The following CHRM3 variants were observed in gnomAD, a reference collection of about 807,000 sequenced individuals.
CHRM3 encodes the protein muscarinic acetylcholine receptor M3.
A neutral mutation model predicts 41.8 loss-of-function variants in CHRM3; 11 were observed. The ratio of observed to expected loss-of-function variants is 0.26; its 90% confidence interval spans 0.17 to 0.44. CHRM3 has a LOEUF of 0.44. Ranked by LOEUF, CHRM3 falls within the 20% of genes least tolerant of loss-of-function variation. CHRM3 has a pLI of 1.00. For missense variants in CHRM3, 571 were observed against 745.4 expected, an observed-to-expected ratio of 0.77 and a Z score of 2.72; for synonymous variants, 297 against 301.4, an observed-to-expected ratio of 0.99 and a Z score of 0.15.
At chr1:239,752,837 A>G (rs1219788409) in intron 5 of CHRM3, among the ~76,000 whole-genome samples, 1 of 152,200 alleles carries the variant, frequency 6.6e-6, no homozygotes, top group African/African-American at 2.4e-5. Flanking sequence ...TTAAACTATA[A>G]TAGGGTTCAA....
intron 1 of CHRM3, among the ~76,000 whole-genome samples, chr1:239,399,481 T>G (rs986426659): frequency 2.0e-5 from 3 of 152,114 alleles, no homozygotes; most frequent in African/African-American, 7.2e-5. Context: ...TTTGTACCTT[T>G]TGATCAACAT....
intron 1 of CHRM3, among the ~76,000 whole-genome samples, chr1:239,463,596 AT>A (rs1368653223): frequency 6.6e-6 from 1 of 152,206 alleles, no homozygotes; most frequent in Non-Finnish European, 1.5e-5. Context: ...AATTGTGAAA[AT>A]ACAGGACTAT....
intron 5 of CHRM3, among the ~76,000 whole-genome samples, chr1:239,688,557 CATATATT>C (rs1475612701): frequency 7.5e-6 from 1 of 133,504 alleles, no homozygotes; most frequent in African/African-American, 2.8e-5. Context: ...ATTTATATAA[CATATATT>C]ATATGATATT....
chr1:239,860,565 G>A (rs34505671), intron 6 of CHRM3, among the ~76,000 whole-genome samples: 53,251 of 152,036 alleles, frequency 0.35, 9,352 homozygotes, highest in Admixed American at 0.43. Context: ...TCTTAGGGGT[G>A]TGACCCAAGT....
At chr1:239,525,069 A>C (rs1237998579) in intron 2 of CHRM3, among the ~76,000 whole-genome samples, 1 of 152,184 alleles carries the variant, frequency 6.6e-6, no homozygotes, top group Non-Finnish European at 1.5e-5. Flanking sequence ...TTCATGTATT[A>C]AGATGATCCA....
intron 2 of CHRM3, among the ~76,000 whole-genome samples, chr1:239,541,540 G>T (rs1658774446): frequency 6.6e-6 from 1 of 152,036 alleles, no homozygotes; most frequent in South Asian, 2.1e-4. Flanking sequence ...GAGATAGGGT[G>T]TCACTCCGTC....
intron 6 of CHRM3, among the ~76,000 whole-genome samples, chr1:239,830,475 G>A (rs568970235): frequency 1.5e-4 from 23 of 152,216 alleles, no homozygotes; most frequent in Non-Finnish European, 2.9e-4. Flanking sequence ...AGGCCGAGGC[G>A]GGCGGATCAC....
chr1:239,908,742 C>G lies in CHRM3; in HGVS notation c.1291C>G (p.Leu431Val), dbSNP rs779951293. ...PKSFSKLPIQ[L>V]ESAVDTAKTS... ...AAGCTTCTCCAAGCTTCCCATCCAG[C>G]TAGAGTCAGCCGTGGACACAGCTAA... The change falls in exon 7 of 7, where the codon CTA (leucine) becomes GTA (valine). Residue 431 changes from leucine (L) to valine (V), a missense_variant. Around this residue, in one of 5 missense-constraint regions of CHRM3, gnomAD observed 239 missense variants for 239.6 expected, o/e 1.00. Coordinates refer to ENST00000676153, the MANE Select transcript of CHRM3 (RefSeq NM_001375978.1). This position sits in a 1 kb window ranked among gnomAD's most constrained non-coding sequence, Gnocchi z 7.2. 2 of 1,613,694 alleles carry G rather than the reference C, an allele frequency of 1.2e-6. No individual in the cohort carries two copies. The highest frequency in any genetic ancestry group is 2.7e-5 in the African/African-American group (2 of 74,882).
chr1:239,640,732 A>AT (rs1558409057), intron 4 of CHRM3, among the ~76,000 whole-genome samples: 1 of 150,436 alleles, frequency 6.6e-6, no homozygotes, highest in African/African-American at 2.5e-5. Flanking sequence ...GGATTCATTA[A>AT]TTTTTTGAAG....
intron 2 of CHRM3, among the ~76,000 whole-genome samples, chr1:239,532,097 C>G (rs778437191): frequency 1.4e-5 from 2 of 138,888 alleles, no homozygotes; most frequent in Non-Finnish European, 3.1e-5. Flanking sequence ...ACTGCAAGCT[C>G]CGCCTCCCGG....
At chr1:239,892,502 C>G (rs1256985733) in intron 6 of CHRM3, among the ~76,000 whole-genome samples, 2 of 152,188 alleles carry the variant, frequency 1.3e-5, no homozygotes, top group Non-Finnish European at 2.9e-5. Context: ...CCATCTTAAA[C>G]TTCATTGCAA....
intron 1 of CHRM3, among the ~76,000 whole-genome samples, chr1:239,464,565 T>A (rs1474785726): frequency 1.3e-5 from 2 of 152,158 alleles, no homozygotes; most frequent in Non-Finnish European, 2.9e-5. Flanking sequence ...AAGTTTGGTG[T>A]TTACTTCTAG....
intron 4 of CHRM3, among the ~76,000 whole-genome samples, chr1:239,635,534 C>T (rs1479201791): frequency 6.6e-6 from 1 of 152,178 alleles, no homozygotes; most frequent in Non-Finnish European, 1.5e-5. Flanking sequence ...GCCAAGACCT[C>T]TCCTAACCGC....
intron 6 of CHRM3, among the ~76,000 whole-genome samples, chr1:239,890,347 C>CA (rs10713647): frequency 4.8e-4 from 68 of 142,858 alleles, no homozygotes; most frequent in Admixed American, 7.0e-4. Context: ...GACTCTATCT[C>CA]AAAAAAAAAA....
chr1:239,583,929 T>G (rs1663143255), intron 3 of CHRM3, among the ~76,000 whole-genome samples: 1 of 152,056 alleles, frequency 6.6e-6, no homozygotes, highest in Non-Finnish European at 1.5e-5. Context: ...CACCACAAAC[T>G]TAAACCTCAT....
chr1:239,686,477 C>A (rs1659157736), intron 5 of CHRM3, among the ~76,000 whole-genome samples: 1 of 152,264 alleles, frequency 6.6e-6, no homozygotes, highest in East Asian at 1.9e-4. Flanking sequence ...TTCAGTGATG[C>A]CTATCCCTCC....
chr1:239,510,038 G>A (rs767456488), intron 2 of CHRM3, among the ~76,000 whole-genome samples: 11 of 152,164 alleles, frequency 7.2e-5, no homozygotes, highest in Admixed American at 1.3e-4. Context: ...ACAGTGGGCC[G>A]AGATCATGCC....
chr1:239,574,037 C>G (rs992602373), intron 3 of CHRM3, among the ~76,000 whole-genome samples: 1 of 152,108 alleles, frequency 6.6e-6, no homozygotes, highest in Non-Finnish European at 1.5e-5. Flanking sequence ...CTGAAATCAT[C>G]TCATCTAAAA....
At chr1:239,782,985 G>T (rs1668615635) in intron 5 of CHRM3, among the ~76,000 whole-genome samples, 1 of 151,668 alleles carries the variant, frequency 6.6e-6, no homozygotes, top group African/African-American at 2.4e-5. Flanking sequence ...TTGATTTCTA[G>T]TTTTTTTAAT....
Sources: gnomAD v4.1 joint callset for allele counts (sites outside exome capture counted in the v4.1 genomes callset) on GRCh38, gnomAD v4.1.1 for gene constraint, gnomAD v4.1.1 regional missense constraint, Gnocchi (gnomAD v3.1) non-coding constraint, MANE v1.5 for transcripts, NCBI Gene and HGNC (gene_info 2026-07-23, HGNC 2026-07-21) for gene names.